NUDC: variants seen among roughly 807,000 people sequenced by gnomAD.
NUDC encodes the protein nuclear distribution C, dynein complex regulator, also known as nuclear migration protein nudC.
NUDC carries 14 observed loss-of-function variants against 45.0 expected under a neutral mutation model. The ratio of observed to expected loss-of-function variants is 0.31; its 90% confidence interval spans 0.21 to 0.49. NUDC has a LOEUF of 0.49. Among genes scored for constraint, NUDC ranks in the 20% least tolerant of loss-of-function variants. NUDC has a pLI of 0.99. For synonymous variants in NUDC, 153 were observed against 156.7 expected, an observed-to-expected ratio of 0.98 and a Z score of 0.17; for missense variants, 323 against 426.2, an observed-to-expected ratio of 0.76 and a Z score of 2.13.
At chr1:26,918,946 C>A (rs1215053196), upstream of NUDC, among the ~76,000 whole-genome samples, 2 of 151,716 alleles carry the variant, frequency 1.3e-5, no homozygotes, top group African/African-American at 4.8e-5. Flanking sequence ...CCCAACTAAT[C>A]TTTGTATTTT....
chr1:26,917,864 C>T (rs1255281612), upstream of NUDC, among the ~76,000 whole-genome samples: 3 of 148,402 alleles, frequency 2.0e-5, no homozygotes, highest in Non-Finnish European at 4.4e-5. Context: ...CCAGCCTAGG[C>T]GACAAGAGTG....
intron 2 of NUDC, among the ~76,000 whole-genome samples, chr1:26,931,470 C>T (rs1315698379): frequency 6.9e-6 from 1 of 145,796 alleles, no homozygotes; most frequent in Non-Finnish European, 1.5e-5. Flanking sequence ...GCAACCTGTG[C>T]CTCCTGGGTT....
rs1182548114 is a variant in NUDC, at chr1:26,946,718, G to C, written c.*537G>C. 1 of 179,682 alleles carries C rather than the reference G, an allele frequency of 5.6e-6. No individual in the cohort carries two copies. Among genetic ancestry groups the C allele is most frequent in the Non-Finnish European group, 1.2e-5 (1 of 83,742 alleles). The allele number at this position is 179,682 out of a possible 1,614,324, so 11.1% of individuals were successfully genotyped here. A position where few individuals can be genotyped will look rare whatever the true frequency, so the allele number is the denominator to read the frequency against. Reference sequence around the variant, plus strand: ...AATACAAAAATTAGCCGGGTGTGGTGGTGCACACCTGTAATCCCAGCTACT... The same window carrying C: ...AATACAAAAATTAGCCGGGTGTGGTCGTGCACACCTGTAATCCCAGCTACT... On this transcript the variant is annotated 3_prime_UTR_variant, in exon 9 of 9. Transcript: ENST00000321265.
chr1:26,916,161 A>G (rs1015909270), intron 3 of NUDC, among the ~76,000 whole-genome samples: 1 of 151,636 alleles, frequency 6.6e-6, no homozygotes, highest in Non-Finnish European at 1.5e-5. Flanking sequence ...TTGAGGTGGG[A>G]GGATCACTTG....
intron 2 of NUDC, among the ~76,000 whole-genome samples, chr1:26,929,397 A>T (rs566982752): frequency 1.3e-5 from 2 of 150,358 alleles, no homozygotes; most frequent in Admixed American, 1.3e-4. Context: ...ACATAGCAAG[A>T]CCCCTTCTGA....
chr1:26,911,267 G>A (rs1167917653), intron 3 of NUDC: 3 of 432,060 alleles, frequency 6.9e-6, no homozygotes, highest in Non-Finnish European at 1.4e-5. Flanking sequence ...GTAGGAGCCA[G>A]GGGAGCGGTT....
In NUDC at chr1:26,946,435, G is replaced by T. The variant is rs1448830900; in HGVS notation, c.*254G>T. ...CTCTTGCCTCTGGCCTTTCTCTGGGGCACAGGCCTCTTACGGCTGCTGCTG... is the reference window on the plus strand; with the variant it reads ...CTCTTGCCTCTGGCCTTTCTCTGGGTCACAGGCCTCTTACGGCTGCTGCTG... On this transcript the variant is annotated 3_prime_UTR_variant, in exon 9 of 9. Coordinates refer to ENST00000321265, the MANE Select transcript of NUDC (RefSeq NM_006600.4). The T allele has an allele frequency of 1.9e-6, 1 of 529,892 alleles. No individual in the cohort carries two copies. The highest frequency in any genetic ancestry group is 3.4e-6 in the Non-Finnish European group (1 of 293,158). The allele number at this position is 529,892 out of a possible 1,614,324, so 32.8% of individuals were successfully genotyped here.
intron 4 of NUDC, 56 bp downstream of exon 4, chr1:26,941,874 TCTC>T: frequency 1.3e-6 from 2 of 1,537,724 alleles, no homozygotes; most frequent in South Asian, 1.1e-5. Context: ...TTACAGGAAA[TCTC>T]CTGCCTACTG....
intron 3 of NUDC, among the ~76,000 whole-genome samples, chr1:26,915,058 C>CATATATATATAT (rs67296768): frequency 1.3e-3 from 178 of 140,520 alleles, no homozygotes; most frequent in African/African-American, 4.3e-3. Context: ...TACATACATA[C>CATATATATATAT]ATATATATAT....
chr1:26,906,856 A>T (rs1263918638), intron 2 of NUDC, among the ~76,000 whole-genome samples: 1 of 152,146 alleles, frequency 6.6e-6, no homozygotes, highest in African/African-American at 2.4e-5. Context: ...CTCAAAAAAA[A>T]TAATAATAAT....
exon 3 of NUDC, chr1:26,911,179 T>A (rs549264825): frequency 3.4e-5 from 16 of 470,672 alleles, no homozygotes; most frequent in South Asian, 2.5e-4. Flanking sequence ...TGAACTTGTC[T>A]GTTTCAATTC....
At chr1:26,945,503 G>C (rs1327529337) in intron 7 of NUDC, 30 bp downstream of exon 7, 1 of 1,612,772 alleles carries the variant, frequency 6.2e-7, no homozygotes, top group Non-Finnish European at 8.5e-7. Context: ...GGGAGCTTCA[G>C]CAGGAAGGTG....
At position 26,928,583 on chromosome 1, in the gene NUDC, A is replaced by C. The variant is rs533403808; in HGVS notation, c.159+4417A>C. On this transcript the variant is annotated intron_variant, in intron 2 of 8. Coordinates refer to ENST00000321265, the MANE Select transcript of NUDC (RefSeq NM_006600.4). ...CTTGTGGCACATGCCTTTAGTCCCA[A>C]CCACTCAGGAGGCTGAGGTAGGAGG... 1.1e-4 allele frequency among the ~76,000 whole-genome samples: 17 copies of C among 152,272 alleles called. No individual in the cohort carries two copies. In the East Asian group the frequency reaches 1.2e-3, roughly 10 times the overall value.
At chr1:26,903,863 T>C (rs894392328) in intron 2 of NUDC, among the ~76,000 whole-genome samples, 1 of 151,102 alleles carries the variant, frequency 6.6e-6, no homozygotes, top group African/African-American at 2.4e-5. Context: ...ACAAAAAAAT[T>C]AGCTGGGCGT....
intron 3 of NUDC, among the ~76,000 whole-genome samples, chr1:26,913,051 G>A (rs1231485433): frequency 6.6e-6 from 1 of 152,236 alleles, no homozygotes; most frequent in Non-Finnish European, 1.5e-5. Context: ...GGGAGGCCAA[G>A]GTGGGTGGAT....
At chr1:26,935,651 T>A (rs532895051) in intron 2 of NUDC, among the ~76,000 whole-genome samples, 2 of 152,140 alleles carry the variant, frequency 1.3e-5, no homozygotes, top group East Asian at 3.9e-4. Flanking sequence ...GGAACTACAA[T>A]TCAAGATGAG....
intron 1 of NUDC, chr1:26,900,499 G>T: frequency 7.0e-7 from 1 of 1,435,580 alleles, no homozygotes; most frequent in Non-Finnish European, 9.6e-7. Flanking sequence ...CGCGAGCAAC[G>T]TTCCAGCCCC....
At chr1:26,942,549 G>A in intron 4 of NUDC, 111 bp from the exon 5 acceptor site, 1 of 1,529,642 alleles carries the variant, frequency 6.5e-7, no homozygotes, top group Non-Finnish European at 9.0e-7. Context: ...GACCAGGTCT[G>A]TTTTCTTTTG....
chr1:26,925,538 CAAA>C (rs71010305), intron 2 of NUDC, among the ~76,000 whole-genome samples: 1 of 43,366 alleles, frequency 2.3e-5, no homozygotes. Context: ...GACTCCGTCT[CAAA>C]AAAAAAAAAA....
Sources: gnomAD v4.1 joint callset for allele counts (sites outside exome capture counted in the v4.1 genomes callset) on GRCh38, gnomAD v4.1.1 for gene constraint, MANE v1.5 for transcripts, NCBI Gene and HGNC (gene_info 2026-07-23, HGNC 2026-07-21) for gene names.